Variants in BNC2 observed in about 807,000 individuals in gnomAD.
BNC2 encodes zinc finger protein basonuclin-2.
BNC2 carries 20 observed loss-of-function variants against 76.3 expected under a neutral mutation model. That is an observed-to-expected ratio of 0.26 (90% CI 0.18 to 0.38). The LOEUF (loss-of-function observed/expected upper bound fraction) is 0.38. BNC2 is among the 10% of genes least tolerant of loss of function. The probability of loss-of-function intolerance (pLI) is 1.00; values close to 1 mark genes in which losing one functional copy is unlikely to be tolerated. For synonymous variants in BNC2, 582 were observed against 514.8 expected (o/e 1.13, Z -1.77); for missense variants, 1,382 against 1,399.8 (o/e 0.99, Z 0.20).
chr9:16,434,575 T>G (rs1386241475), intron 6 of BNC2, among the ~76,000 whole-genome samples: 1 of 152,242 alleles, frequency 6.6e-6, no homozygotes, highest in East Asian at 1.9e-4. Flanking sequence ...ATTATGTACG[T>G]GATCTGCTCA....
intron 3 of BNC2, among the ~76,000 whole-genome samples, chr9:16,611,845 T>C (rs1337920915): frequency 4.6e-5 from 7 of 152,134 alleles, no homozygotes; most frequent in Non-Finnish European, 1.5e-5. Flanking sequence ...TTTTTGAAAA[T>C]TCATATACAA....
chr9:16,718,304 T>TG (rs1443139302), intron 3 of BNC2, among the ~76,000 whole-genome samples: 1 of 152,238 alleles, frequency 6.6e-6, no homozygotes, highest in African/African-American at 2.4e-5. Flanking sequence ...TCCCAGATGT[T>TG]GGAGTTTGAA....
chr9:16,538,087 G>C (rs952801868), intron 5 of BNC2, among the ~76,000 whole-genome samples: 1 of 152,072 alleles, frequency 6.6e-6, no homozygotes, highest in African/African-American at 2.4e-5. Context: ...ATGAACCTTA[G>C]CAATCATAAT....
In BNC2 at chr9:16,670,407, T is replaced by A. The variant is rs541805654; in HGVS notation, c.330+57390A>T. ...ATAGTTCACTGTTCCCTTGAACTTC[T>A]GGGCTCAAGTCATCTTCCCACCTCT... On this transcript the variant is annotated intron_variant, in intron 3 of 6. Transcript: ENST00000380672. Among the ~76,000 whole-genome samples the A allele has an allele frequency of 1.4e-4, 22 of 152,298 alleles. 1 individual carries two copies. The South Asian group carries it at 4.4e-3, about 30-fold the overall frequency.
chr9:16,666,242 G>C lies in BNC2; in HGVS notation c.330+61555C>G, dbSNP rs575476570. Among the ~76,000 whole-genome samples the C allele has an allele frequency of 3.2e-4, 49 of 152,234 alleles. No individual in the cohort carries two copies. In the South Asian group the frequency reaches 4.1e-3, roughly 13 times the overall value. On this transcript the variant is annotated intron_variant, in intron 3 of 6. Transcript: ENST00000380672. ...TTTCCTCCAGAGCTATAGTTTGCCA[G>C]AGGGCATCTCTATCTATCTGATTTT... is the stretch of plus-strand genomic sequence containing the variant.
chr9:16,728,375 A>G (rs1406813898), intron 2 of BNC2, among the ~76,000 whole-genome samples: 1 of 152,074 alleles, frequency 6.6e-6, no homozygotes, highest in African/African-American at 2.4e-5. Context: ...ATACAGATAG[A>G]TACACACTTA....
At chr9:16,487,198 G>A (rs1466975625) in intron 5 of BNC2, among the ~76,000 whole-genome samples, 1 of 152,164 alleles carries the variant, frequency 6.6e-6, no homozygotes, top group Non-Finnish European at 1.5e-5. Context: ...CAGTCTTGAG[G>A]GGGTCAAACG....
At chr9:16,870,042 TA>T (rs1819638484) in intron 1 of BNC2, among the ~76,000 whole-genome samples, 1 of 152,268 alleles carries the variant, frequency 6.6e-6, no homozygotes, top group Non-Finnish European at 1.5e-5. Context: ...ACCTTCTCCG[TA>T]AAGCCTGCGG....
chr9:16,743,733 T>TG (rs1824917590), intron 1 of BNC2, among the ~76,000 whole-genome samples: 1 of 152,214 alleles, frequency 6.6e-6, no homozygotes. Context: ...TCCATTCACA[T>TG]GATGGGTATA....
chr9:16,463,411 C>T (rs1403107735), intron 5 of BNC2, among the ~76,000 whole-genome samples: 1 of 142,522 alleles, frequency 7.0e-6, no homozygotes, highest in Non-Finnish European at 1.5e-5. Context: ...ATTCTCCTGC[C>T]TCAGCCTCCC....
chr9:16,838,381 C>T (rs979944660), intron 1 of BNC2, among the ~76,000 whole-genome samples: 10 of 152,054 alleles, frequency 6.6e-5, no homozygotes, highest in African/African-American at 2.4e-4. Context: ...ATGGAGAAAC[C>T]CCATCTCTAC....
At chr9:16,499,233 T>G (rs941144825) in intron 5 of BNC2, among the ~76,000 whole-genome samples, 2 of 152,318 alleles carry the variant, frequency 1.3e-5, no homozygotes, top group Middle Eastern at 6.8e-3. Flanking sequence ...ATTACTATTC[T>G]CATTTAACAA....
At chr9:16,772,614 T>C (rs1239788579) in intron 1 of BNC2, among the ~76,000 whole-genome samples, 1 of 152,218 alleles carries the variant, frequency 6.6e-6, no homozygotes, top group Non-Finnish European at 1.5e-5. Flanking sequence ...GTACTAATTT[T>C]TTTTTGTCTT....
chr9:16,454,391 C>G (rs979375579), intron 5 of BNC2, among the ~76,000 whole-genome samples: 6 of 152,116 alleles, frequency 3.9e-5, no homozygotes, highest in Non-Finnish European at 8.8e-5. Context: ...CAGCCTGACT[C>G]CTTGGCTCAA....
Position 16,678,553 on chromosome 9 carries a change from C to T in BNC2, c.330+49244G>A, listed in dbSNP as rs1296516067. 2.6e-5 allele frequency among the ~76,000 whole-genome samples: 4 copies of T among 151,816 alleles called. No homozygotes were observed. The South Asian group carries it at 6.2e-4, about 24-fold the overall frequency. On this transcript the variant is annotated intron_variant, in intron 3 of 6. Transcript: ENST00000380672. ...TGCTGGGATTACAGGCGTGAGCCAC[C>T]GCGCCTGGCCATGTATCTGTTTTCT...
chr9:16,821,996 A>G (rs534246855), intron 1 of BNC2, among the ~76,000 whole-genome samples: 27 of 150,920 alleles, frequency 1.8e-4, no homozygotes, highest in Admixed American at 9.9e-4. Flanking sequence ...GGGAGGCTGA[A>G]GCAGGAGAAT....
chr9:16,748,467 G>C (rs905721111), intron 1 of BNC2, among the ~76,000 whole-genome samples: 4 of 152,062 alleles, frequency 2.6e-5, no homozygotes, highest in African/African-American at 9.7e-5. Context: ...TGAGTCCTGA[G>C]CGTGCCACTG....
At chr9:16,705,897 C>T (rs1350768234) in intron 3 of BNC2, among the ~76,000 whole-genome samples, 2 of 152,174 alleles carry the variant, frequency 1.3e-5, no homozygotes, top group African/African-American at 4.8e-5. Flanking sequence ...AAAACACCTA[C>T]ACTTAACCAT....
chr9:16,671,703 T>C (rs1482758337), intron 3 of BNC2, among the ~76,000 whole-genome samples: 1 of 152,156 alleles, frequency 6.6e-6, no homozygotes, highest in Non-Finnish European at 1.5e-5. Flanking sequence ...GGAGAGCAGT[T>C]GGCCCACCGT....
Sources: allele counts gnomAD v4.1 joint callset (sites outside exome capture counted in the v4.1 genomes callset), GRCh38; gene constraint gnomAD v4.1.1; transcripts MANE v1.5; gene names NCBI Gene and HGNC (gene_info 2026-07-23, HGNC 2026-07-21).